Variants in MYOZ3 observed in about 807,000 individuals in gnomAD.
MYOZ3 encodes the protein myozenin-3.
In MYOZ3, 19 loss-of-function variants were observed where a neutral mutation model predicts 26.5. The observed-to-expected ratio is 0.72, with a 90% CI of 0.50 to 1.05. The LOEUF is 1.05. Among genes scored for constraint, MYOZ3 ranks in the 50% least tolerant of loss-of-function variants. MYOZ3 has a pLI of 0.00. For synonymous variants in MYOZ3, 135 were observed against 138.8 expected (o/e 0.97, Z 0.19); for missense variants, 322 against 337.1 (o/e 0.96, Z 0.35).
chr5:150,678,940 T>G lies in MYOZ3; in HGVS notation c.*2065T>G, dbSNP rs1004106435. ...TCCCTGCCTCTCTCTCTGGGGGCGA[T>G]GGGGAAGGTCAGGAGTCCAGCCCAT... On this transcript the variant is annotated 3_prime_UTR_variant, in exon 7 of 7. Coordinates refer to ENST00000517768, the MANE Select transcript of MYOZ3 (RefSeq NM_001122853.3). 6.6e-6 allele frequency: 1 copy of G among 152,406 alleles called. No homozygotes were observed. Among genetic ancestry groups the G allele is most frequent in the Non-Finnish European group, 1.5e-5 (1 of 68,080 alleles). 9.4% of individuals were successfully genotyped at this position (152,406 alleles called of 1,614,324 possible). A position where few individuals can be genotyped will look rare whatever the true frequency, so the allele number is the denominator to read the frequency against.
At chr5:150,671,680 G>C in intron 4 of MYOZ3, 30 bp downstream of exon 4, 1 of 1,613,664 alleles carries the variant, frequency 6.2e-7, no homozygotes, top group Non-Finnish European at 8.5e-7. Flanking sequence ...CCCTGGAAGG[G>C]AAGCTGGGGG....
Position 150,662,931 on chromosome 5 carries a change from T to A in MYOZ3, c.-1-10T>A, listed in dbSNP as rs1402029306. 5 of 1,609,288 alleles carry A rather than the reference T, an allele frequency of 3.1e-6. No homozygotes were observed. The highest frequency in any genetic ancestry group is 3.4e-6 in the Non-Finnish European group (4 of 1,177,814). On this transcript the variant is annotated splice_polypyrimidine_tract_variant and intron_variant, in intron 1 of 6. Coordinates refer to ENST00000517768, the MANE Select transcript of MYOZ3 (RefSeq NM_001122853.3). The stretch of plus-strand genomic sequence containing the variant: ...AGCCTGGTCCATTTATGGGGGTCTC[T>A]CCTCCACAGGATGATCCCCAAGGAG...
intron 1 of MYOZ3, 36 bp downstream of exon 1, chr5:150,661,463 G>A (rs992727754): frequency 1.3e-5 from 2 of 152,378 alleles, no homozygotes. Flanking sequence ...GGAACTCAGG[G>A]GAGTGGGCAG....
intron 2 of MYOZ3, among the ~76,000 whole-genome samples, chr5:150,666,613 C>CAAA (rs1225832285): frequency 2.9e-4 from 30 of 104,260 alleles, no homozygotes; most frequent in South Asian, 1.2e-3. Flanking sequence ...GACTCTGTCT[C>CAAA]AAAAAAAAAA....
At chr5:150,672,071 C>T (rs1032518343) in intron 5 of MYOZ3, 163 bp downstream of exon 5, 4 of 1,199,904 alleles carry the variant, frequency 3.3e-6, no homozygotes, top group East Asian at 2.5e-5. Context: ...CGGAGGGGCG[C>T]CGCGCCCCAG....
At chr5:150,676,651 T>A (rs72805990) in intron 6 of MYOZ3, 56 bp from the exon 7 acceptor site, 45,203 of 1,565,438 alleles carry the variant, frequency 0.029, 808 homozygotes, top group Non-Finnish European at 0.033. Flanking sequence ...CACATGTCAG[T>A]GTACTGCTGT....
chr5:150,663,877 C>G (rs1289851413), intron 2 of MYOZ3, among the ~76,000 whole-genome samples: 1 of 151,610 alleles, frequency 6.6e-6, no homozygotes, highest in Non-Finnish European at 1.5e-5. Context: ...CCTGTGGTCC[C>G]AGCTACTCAG....
At chr5:150,671,553 CCCG>C (rs1561670832) in intron 3 of MYOZ3, 41 bp from the exon 4 acceptor site, 2 of 1,609,008 alleles carry the variant, frequency 1.2e-6, no homozygotes, top group Non-Finnish European at 1.7e-6. Context: ...GGTCCCCTGC[CCCG>C]CTGAGCTTCT....
intron 6 of MYOZ3, among the ~76,000 whole-genome samples, chr5:150,675,243 T>C (rs551094229): frequency 1.3e-5 from 2 of 152,060 alleles, no homozygotes; most frequent in African/African-American, 4.8e-5. Flanking sequence ...TGTGTGGGGG[T>C]GTGTGTGTTA....
chr5:150,676,589 A>C, intron 6 of MYOZ3, 118 bp from the exon 7 acceptor site: 1 of 881,240 alleles, frequency 1.1e-6, no homozygotes, highest in Non-Finnish European at 1.7e-6. Context: ...GCTGTATAGA[A>C]GGGAAAACTG....
At chr5:150,662,172 T>C (rs1443544336) in intron 1 of MYOZ3, among the ~76,000 whole-genome samples, 1 of 152,174 alleles carries the variant, frequency 6.6e-6, no homozygotes, top group East Asian at 1.9e-4. Context: ...GGGTGGTCAG[T>C]CGAGGAGCTC....
In MYOZ3 at chr5:150,663,070, T is replaced by G. The variant is rs372112222; in HGVS notation, c.61+68T>G. 13 of 1,372,380 alleles carry G rather than the reference T, an allele frequency of 9.5e-6. No homozygotes were observed. The African/African-American group carries it at 1.2e-4, about 12-fold the overall frequency. 85.0% of individuals were successfully genotyped at this position (1,372,380 alleles called of 1,614,324 possible). A position where few individuals can be genotyped will look rare whatever the true frequency, so the allele number is the denominator to read the frequency against. On this transcript the variant is annotated intron_variant, in intron 2 of 6. Transcript: ENST00000517768. The stretch of plus-strand genomic sequence containing the variant: ...TTCCTTGCTCCCAGGCTGCACTCAC[T>G]CTGGCCTGCTGGCCCCAGGCCTGGG...
intron 5 of MYOZ3, 139 bp from the exon 6 acceptor site, chr5:150,672,201 G>C (rs1426695257): frequency 7.7e-7 from 1 of 1,305,368 alleles, no homozygotes; most frequent in South Asian, 1.3e-5. Flanking sequence ...AGCAACTGTG[G>C]CTTCCCATTC....
rs1424559328 is a variant in MYOZ3, at chr5:150,676,977, C to T, written c.*102C>T. 1.1e-5 allele frequency: 13 copies of T among 1,226,236 alleles called. No homozygotes were observed. Among genetic ancestry groups the T allele is most frequent in the Admixed American group, 4.6e-5 (2 of 43,260 alleles). The allele number at this position is 1,226,236 out of a possible 1,614,324, so 76.0% of individuals were successfully genotyped here. On this transcript the variant is annotated 3_prime_UTR_variant, in exon 7 of 7. Transcript: ENST00000517768. ...ACAGTTGAAGAAGGGCCTTCACACA[C>T]AAAACCTGATTGCAAATGGCTTCAG...
At position 150,676,946 on chromosome 5, in the gene MYOZ3, C is replaced by A; in HGVS notation, c.*71C>A. ...ATCCGGAGCCAAGACTTGTGGACAG[C>A]ACTTCACAGTTGAAGAAGGGCCTTC... On this transcript the variant is annotated 3_prime_UTR_variant, in exon 7 of 7. Transcript: ENST00000517768. 1 of 1,481,334 alleles carries A rather than the reference C, an allele frequency of 6.8e-7. No individual in the cohort carries two copies. Among genetic ancestry groups the A allele is most frequent in the Non-Finnish European group, 9.2e-7 (1 of 1,090,812 alleles). 91.8% of individuals were successfully genotyped at this position (1,481,334 alleles called of 1,614,324 possible). A position where few individuals can be genotyped will look rare whatever the true frequency, so the allele number is the denominator to read the frequency against.
At chr5:150,666,433 G>A (rs950953938) in intron 2 of MYOZ3, among the ~76,000 whole-genome samples, 1 of 151,910 alleles carries the variant, frequency 6.6e-6, no homozygotes, top group Non-Finnish European at 1.5e-5. Context: ...GGCCAACATG[G>A]TGAAACCCCA....
intron 2 of MYOZ3, among the ~76,000 whole-genome samples, chr5:150,666,033 TAA>T (rs61227926): frequency 1.0e-4 from 12 of 115,798 alleles, no homozygotes; most frequent in East Asian, 4.9e-4. Context: ...GAAACTCGTC[TAA>T]AAAAAAAAAA....
rs761300572 is a variant in MYOZ3, at chr5:150,672,362, C to A, written c.447C>A (p.Gly149=). The change falls in exon 6 of 7, where the codon GGC becomes GGA. Residue 149 remains glycine, a synonymous_variant. Coordinates refer to ENST00000517768, the MANE Select transcript of MYOZ3 (RefSeq NM_001122853.3). ...TAGGCTATGCGGAGCCGCTGAAGGGCGTCCCGCCAGAGAAGTTCAACCACA... is the reference window on the plus strand; with the variant it reads ...TAGGCTATGCGGAGCCGCTGAAGGGAGTCCCGCCAGAGAAGTTCAACCACA... The part of the protein sequence containing the change: ...LAPGYAEPLK[G]VPPEKFNHTA... The A allele has an allele frequency of 8.2e-5, 132 of 1,610,138 alleles. No homozygotes were observed. The highest frequency in any genetic ancestry group is 1.1e-4 in the Non-Finnish European group (124 of 1,178,638).
At chr5:150,661,973 G>A (rs777393518) in intron 1 of MYOZ3, among the ~76,000 whole-genome samples, 8 of 152,216 alleles carry the variant, frequency 5.3e-5, no homozygotes, top group Non-Finnish European at 1.2e-4. Flanking sequence ...CTGAGGTGCA[G>A]AGCTGGAAAG....
Sources: allele counts gnomAD v4.1 joint callset (sites outside exome capture counted in the v4.1 genomes callset), GRCh38; gene constraint gnomAD v4.1.1; transcripts MANE v1.5; gene names NCBI Gene and HGNC (gene_info 2026-07-23, HGNC 2026-07-21).